Variants in RAB3C observed in about 807,000 individuals in gnomAD.
The protein encoded by RAB3C is ras-related protein Rab-3C.
RAB3C carries 17 observed loss-of-function variants against 26.4 expected under a neutral mutation model. The observed-to-expected ratio is 0.64, with a 90% CI of 0.44 to 0.97. The LOEUF (loss-of-function observed/expected upper bound fraction) is 0.97, where lower values mean the gene tolerates loss of function less well. Among genes scored for constraint, RAB3C ranks in the 50% least tolerant of loss-of-function variants. RAB3C has a pLI of 0.00. For missense variants in RAB3C, 242 were observed against 281.9 expected (o/e 0.86, Z 1.01); for synonymous variants, 91 against 95.9 (o/e 0.95, Z 0.30).
intron 3 of RAB3C, among the ~76,000 whole-genome samples, chr5:58,739,772 T>A (rs1189980160): frequency 6.6e-6 from 1 of 152,248 alleles, no homozygotes; most frequent in African/African-American, 2.4e-5. Context: ...ACAGTTTCTG[T>A]GGCCTCAATC....
intron 3 of RAB3C, among the ~76,000 whole-genome samples, chr5:58,746,029 T>G (rs1273152340): frequency 2.0e-5 from 3 of 152,212 alleles, no homozygotes; most frequent in African/African-American, 7.2e-5. Context: ...CTGACTGCTT[T>G]GATACTTTCC....
At chr5:58,810,785 C>T (rs1268102249) in intron 3 of RAB3C, among the ~76,000 whole-genome samples, 3 of 152,110 alleles carry the variant, frequency 2.0e-5, no homozygotes, top group Admixed American at 6.5e-5. Context: ...TTAGTAGAGA[C>T]GGGGTTTCGC....
intron 4 of RAB3C, among the ~76,000 whole-genome samples, chr5:58,835,671 T>A (rs1743730682): frequency 6.6e-6 from 1 of 152,218 alleles, no homozygotes; most frequent in South Asian, 2.1e-4. Flanking sequence ...GTTTAAAAAT[T>A]AATCCAGGTC....
chr5:58,845,054 G>A (rs956892458), intron 4 of RAB3C, among the ~76,000 whole-genome samples: 9 of 152,188 alleles, frequency 5.9e-5, no homozygotes, highest in African/African-American at 1.7e-4. Flanking sequence ...TACTGTGATT[G>A]TGATTATTAC....
At chr5:58,826,471 A>T (rs930805415) in intron 4 of RAB3C, among the ~76,000 whole-genome samples, 5 of 152,038 alleles carry the variant, frequency 3.3e-5, no homozygotes, top group Non-Finnish European at 7.4e-5. Context: ...AAGGAGTTGG[A>T]ATTCTTTTTG....
intron 2 of RAB3C, among the ~76,000 whole-genome samples, chr5:58,692,487 C>G (rs1007200128): frequency 6.6e-6 from 1 of 151,942 alleles, no homozygotes; most frequent in Non-Finnish European, 1.5e-5. Flanking sequence ...ACCAAGATAA[C>G]ATTAAATTTA....
At position 58,655,430 on chromosome 5, in the gene RAB3C, A is replaced by T. The variant is rs76327172; in HGVS notation, c.252+37560A>T. Among the ~76,000 whole-genome samples the T allele has an allele frequency of 9.2e-3, 1,399 of 152,338 alleles. 23 individuals are homozygous for T. Among genetic ancestry groups the T allele is most frequent in the Middle Eastern group, 0.014 (4 of 294 alleles). ...AGAAATGGAGAAGAGACAGAGAAAG[A>T]TAAAACCGGAATCGCTCTTTGATTG... On this transcript the variant is annotated intron_variant, in intron 2 of 4. Coordinates refer to ENST00000282878, the MANE Select transcript of RAB3C (RefSeq NM_138453.4).
At chr5:58,621,783 C>G (rs1290647279) in intron 2 of RAB3C, among the ~76,000 whole-genome samples, 1 of 152,020 alleles carries the variant, frequency 6.6e-6, no homozygotes, top group Admixed American at 6.6e-5. Context: ...ACCATGTTGG[C>G]CAAGCTGGTC....
intron 2 of RAB3C, among the ~76,000 whole-genome samples, chr5:58,637,845 T>TA (rs1318086612): frequency 6.6e-6 from 1 of 152,176 alleles, no homozygotes; most frequent in East Asian, 1.9e-4. Context: ...ATATGTTCCA[T>TA]ATTTTAAAGA....
At chr5:58,737,727 A>C (rs1044765763) in intron 3 of RAB3C, among the ~76,000 whole-genome samples, 15 of 151,932 alleles carry the variant, frequency 9.9e-5, no homozygotes, top group Non-Finnish European at 2.9e-5. Flanking sequence ...AACAACAAAA[A>C]AATGATGACT....
intron 3 of RAB3C, among the ~76,000 whole-genome samples, chr5:58,818,011 G>A (rs903978371): frequency 1.3e-5 from 2 of 152,186 alleles, no homozygotes; most frequent in Non-Finnish European, 2.9e-5. Context: ...AGATCTGTTC[G>A]AGCTTCGCTG....
chr5:58,704,038 T>C (rs1011342458), intron 2 of RAB3C, among the ~76,000 whole-genome samples: 10 of 152,190 alleles, frequency 6.6e-5, no homozygotes, highest in Non-Finnish European at 1.0e-4. Flanking sequence ...TGTAGAAGAA[T>C]TGAACCTTTT....
At chr5:58,786,316 T>G (rs1358051849) in intron 3 of RAB3C, among the ~76,000 whole-genome samples, 2 of 152,158 alleles carry the variant, frequency 1.3e-5, no homozygotes, top group Non-Finnish European at 2.9e-5. Flanking sequence ...TTGGCTATAG[T>G]TCTTGAGTCC....
intron 3 of RAB3C, among the ~76,000 whole-genome samples, chr5:58,775,695 A>AT (rs575335406): frequency 5.9e-5 from 9 of 151,712 alleles, no homozygotes; most frequent in African/African-American, 1.2e-4. Flanking sequence ...TGATAACTAA[A>AT]TTTTTTTTTA....
At chr5:58,748,489 A>G (rs1441976449) in intron 3 of RAB3C, among the ~76,000 whole-genome samples, 1 of 152,170 alleles carries the variant, frequency 6.6e-6, no homozygotes. Context: ...ATATAATTGA[A>G]TTGGGAGATA....
intron 2 of RAB3C, among the ~76,000 whole-genome samples, chr5:58,658,455 GAA>G (rs1354331940): frequency 3.3e-5 from 5 of 152,218 alleles, no homozygotes; most frequent in African/African-American, 1.2e-4. Context: ...TTAGAAATGA[GAA>G]AGGAGAACTT....
chr5:58,612,520 GTATATATATATATATATATATATA>G (rs200928384), intron 1 of RAB3C, among the ~76,000 whole-genome samples: 4 of 79,178 alleles, frequency 5.1e-5, no homozygotes, highest in Non-Finnish European at 8.3e-5. Context: ...GTGTGTGTGT[GTATATATATATATATATATATATA>G]TATGTATATA....
intron 2 of RAB3C, among the ~76,000 whole-genome samples, chr5:58,715,077 A>T: frequency 6.6e-6 from 1 of 152,046 alleles, no homozygotes; most frequent in South Asian, 2.1e-4. Context: ...GAGTCGAGTG[A>T]GATAACCAAA....
intron 3 of RAB3C, among the ~76,000 whole-genome samples, chr5:58,787,554 G>C (rs192015828): frequency 6.6e-6 from 1 of 152,206 alleles, no homozygotes; most frequent in East Asian, 1.9e-4. Flanking sequence ...GAGAGTTTAC[G>C]CTCTTTGGCT....
Sources: gnomAD v4.1 joint callset for allele counts (sites outside exome capture counted in the v4.1 genomes callset) on GRCh38, gnomAD v4.1.1 for gene constraint, MANE v1.5 for transcripts, NCBI Gene and HGNC (gene_info 2026-07-23, HGNC 2026-07-21) for gene names.